Variants in SCHIP1 observed in about 807,000 individuals in gnomAD.
SCHIP1 encodes schwannomin-interacting protein 1.
SCHIP1 carries 8 observed loss-of-function variants against 29.7 expected under a neutral mutation model. The observed-to-expected ratio is 0.27, with a 90% CI of 0.16 to 0.49. SCHIP1 has a LOEUF of 0.49. Ranked by LOEUF, SCHIP1 falls within the 20% of genes least tolerant of loss-of-function variation. The pLI is 0.99. For synonymous variants in SCHIP1, 76 were observed against 94.9 expected (o/e 0.80, Z 1.16); for missense variants, 193 against 294.6 (o/e 0.66, Z 2.52).
chr3:159,692,997 C>T, the SCHIP1 span, among the ~76,000 whole-genome samples: 1 of 152,108 alleles, frequency 6.6e-6, no homozygotes, highest in Non-Finnish European at 1.5e-5. Flanking sequence ...TCTCACAGGT[C>T]AGAAGTAGTG....
the SCHIP1 span, among the ~76,000 whole-genome samples, chr3:159,568,165 C>T: frequency 6.6e-6 from 1 of 152,158 alleles, no homozygotes; most frequent in South Asian, 2.1e-4. Context: ...AGTAAGCTTG[C>T]TGAGCTCTTA....
At chr3:159,336,922 A>G in the SCHIP1 span, among the ~76,000 whole-genome samples, 24 of 152,162 alleles carry the variant, frequency 1.6e-4, no homozygotes, top group Non-Finnish European at 3.4e-4. Context: ...GAATCTATAA[A>G]TTACCTTGGG....
At chr3:159,470,571 C>A in the SCHIP1 span, among the ~76,000 whole-genome samples, 1 of 152,064 alleles carries the variant, frequency 6.6e-6, no homozygotes, top group Admixed American at 6.6e-5. Flanking sequence ...ACTGTACAGG[C>A]ACACACACAT....
the SCHIP1 span, among the ~76,000 whole-genome samples, chr3:159,818,178 T>C: frequency 3.9e-5 from 6 of 152,150 alleles, no homozygotes; most frequent in East Asian, 1.2e-3. Context: ...CCTCAAATGA[T>C]GTAGATGAAG....
the SCHIP1 span, among the ~76,000 whole-genome samples, chr3:159,356,131 T>A: frequency 6.6e-6 from 1 of 151,942 alleles, no homozygotes; most frequent in Non-Finnish European, 1.5e-5. Flanking sequence ...GTGGGTGCAG[T>A]GCACCAGCAT....
chr3:159,663,132 T>A, the SCHIP1 span, among the ~76,000 whole-genome samples: 1 of 152,340 alleles, frequency 6.6e-6, no homozygotes, highest in African/African-American at 2.4e-5. Context: ...AGACCTTATC[T>A]AACCTCCAAG....
the SCHIP1 span, chr3:159,765,200 C>T: frequency 4.1e-6 from 6 of 1,467,828 alleles, no homozygotes; most frequent in South Asian, 6.7e-5. Context: ...GCGCACAGCC[C>T]GCACGCCCCC....
chr3:159,888,774 T>C (rs1257825214), intron 4 of SCHIP1, 46 bp from the exon 6 acceptor site: 42 of 1,606,776 alleles, frequency 2.6e-5, no homozygotes, highest in Non-Finnish European at 3.4e-5. Context: ...TTCAGTGTGT[T>C]TGTGGCTCTG....
At chr3:159,773,071 T>C in the SCHIP1 span, among the ~76,000 whole-genome samples, 1 of 152,348 alleles carries the variant, frequency 6.6e-6, no homozygotes, top group East Asian at 1.9e-4. Context: ...GAAATTTGTT[T>C]TTATTTCTGG....
chr3:159,375,251 C>A, the SCHIP1 span, among the ~76,000 whole-genome samples: 20 of 152,186 alleles, frequency 1.3e-4, 1 homozygote, highest in Middle Eastern at 6.8e-3. Flanking sequence ...TTGACAGTAT[C>A]CAAAGAAGAT....
chr3:159,422,927 G>A, the SCHIP1 span, among the ~76,000 whole-genome samples: 5 of 146,236 alleles, frequency 3.4e-5, no homozygotes, highest in Non-Finnish European at 7.5e-5. Context: ...ATGGAATTAT[G>A]GTGGAAACAT....
chr3:159,754,974 G>A, the SCHIP1 span, among the ~76,000 whole-genome samples: 2 of 152,200 alleles, frequency 1.3e-5, no homozygotes, highest in South Asian at 2.1e-4. Flanking sequence ...GGTGGCTCAC[G>A]CCTGTAATCC....
chr3:159,651,893 G>A, the SCHIP1 span, among the ~76,000 whole-genome samples: 1 of 152,128 alleles, frequency 6.6e-6, no homozygotes, highest in Non-Finnish European at 1.5e-5. Context: ...TCAGGAGATC[G>A]AGACCATTCT....
the SCHIP1 span, among the ~76,000 whole-genome samples, chr3:159,622,854 C>G: frequency 2.0e-5 from 3 of 152,044 alleles, no homozygotes; most frequent in African/African-American, 7.3e-5. Context: ...GGAGGCGGAG[C>G]TTGCAGTGAG....
chr3:159,656,241 C>G, the SCHIP1 span, among the ~76,000 whole-genome samples: 1 of 152,114 alleles, frequency 6.6e-6, no homozygotes, highest in Non-Finnish European at 1.5e-5. Flanking sequence ...TCAGTAATCC[C>G]CAAACATCCT....
the SCHIP1 span, among the ~76,000 whole-genome samples, chr3:159,653,381 A>G: frequency 6.6e-6 from 1 of 152,226 alleles, no homozygotes; most frequent in Admixed American, 6.5e-5. Context: ...AATGTGGCAC[A>G]TATATACCAT....
At chr3:159,762,170 T>A in the SCHIP1 span, among the ~76,000 whole-genome samples, 1 of 152,178 alleles carries the variant, frequency 6.6e-6, no homozygotes, top group Non-Finnish European at 1.5e-5. Flanking sequence ...CAAACCGTAT[T>A]TGGAGCACAA....
the SCHIP1 span, among the ~76,000 whole-genome samples, chr3:159,633,585 A>C: frequency 6.6e-6 from 1 of 152,252 alleles, no homozygotes; most frequent in African/African-American, 2.4e-5. Flanking sequence ...CACTGGAAGC[A>C]TGAAAAGAAT....
chr3:159,716,775 C>T, the SCHIP1 span, among the ~76,000 whole-genome samples: 1 of 152,136 alleles, frequency 6.6e-6, no homozygotes, highest in Non-Finnish European at 1.5e-5. Flanking sequence ...CTTAGACTCC[C>T]ACACAATAAT....
Sources: allele counts gnomAD v4.1 joint callset (sites outside exome capture counted in the v4.1 genomes callset), GRCh38; gene constraint gnomAD v4.1.1; transcripts MANE v1.5; gene names NCBI Gene and HGNC (gene_info 2026-07-23, HGNC 2026-07-21).